The following CABIN1 variants were observed in gnomAD, a reference collection of about 807,000 sequenced individuals.
The protein encoded by CABIN1 is calcineurin binding protein 1.
In CABIN1, 133 loss-of-function variants were observed where a neutral mutation model predicts 227.7. The observed-to-expected ratio is 0.58, with a 90% confidence interval of 0.51 to 0.67. The LOEUF is 0.67. Ranked by LOEUF, CABIN1 falls within the 30% of genes least tolerant of loss-of-function variation. CABIN1 has a pLI of 0.00. For synonymous variants in CABIN1, 1,086 were observed against 1,155.1 expected (o/e 0.94, Z 1.21); for missense variants, 2,408 against 2,852.5 (o/e 0.84, Z 3.55).
chr22:24,137,052 T>C (rs2148258902), intron 29 of CABIN1, among the ~76,000 whole-genome samples: 1 of 152,326 alleles, frequency 6.6e-6, no homozygotes, highest in African/African-American at 2.4e-5. Context: ...TTACCTGGCT[T>C]GAAGAGTAAC....
At chr22:24,018,030 T>G (rs6004040) in intron 1 of CABIN1, among the ~76,000 whole-genome samples, 17,174 of 152,042 alleles carry the variant, frequency 0.11, 1,085 homozygotes, top group East Asian at 0.16. Context: ...AATTTTTAAA[T>G]TTTTTGTAGA....
chr22:24,127,495 G>A (rs1197340879), intron 28 of CABIN1, among the ~76,000 whole-genome samples: 2 of 152,220 alleles, frequency 1.3e-5, no homozygotes, highest in African/African-American at 4.8e-5. Context: ...TCTGATTCTA[G>A]ATGGATTCAG....
intron 6 of CABIN1, among the ~76,000 whole-genome samples, chr22:24,045,705 A>G (rs1335810115): frequency 1.3e-5 from 2 of 152,226 alleles, no homozygotes; most frequent in African/African-American, 4.8e-5. Context: ...TCATGCTGCT[A>G]TAATAAAATA....
chr22:24,079,068 G>T (rs1256338845), intron 19 of CABIN1, among the ~76,000 whole-genome samples: 5 of 152,002 alleles, frequency 3.3e-5, no homozygotes, highest in Non-Finnish European at 7.4e-5. Context: ...GGGTTCTATT[G>T]TGTGAGTATA....
chr22:24,064,745 C>A (rs1464882245), intron 15 of CABIN1, among the ~76,000 whole-genome samples: 2 of 152,112 alleles, frequency 1.3e-5, no homozygotes, highest in Non-Finnish European at 2.9e-5. Flanking sequence ...CTTCAAGCAT[C>A]TGTTTGACAA....
At position 24,056,160 on chromosome 22, in the gene CABIN1, G is replaced by T; in HGVS notation, c.1094-32G>T. ...GTGCATTTTTTTCATCCCTGCCACC[G>T]TGTAAGATTTTAATTTGCATTCTTT... On this transcript the variant is annotated intron_variant, in intron 9 of 36. Transcript: ENST00000263119. 4.4e-6 allele frequency: 7 copies of T among 1,603,160 alleles called. No homozygotes were observed. In the African/African-American group the frequency reaches 6.7e-5, roughly 15 times the overall value.
rs568377204 is a variant in CABIN1 at position 24,172,109 on chromosome 22, C to T, written c.6040+114C>T. ...GGCAAGCAGTGCCCTCCCGCCCAGT[C>T]GATCCCACAGGGTGGCGGGGCAGGT... On this transcript the variant is annotated intron_variant, in intron 34 of 36. Coordinates refer to ENST00000263119, the MANE Select transcript of CABIN1 (RefSeq NM_012295.4). The T allele has an allele frequency of 6.0e-5, 78 of 1,308,258 alleles. No individual in the cohort carries two copies. The East Asian group carries it at 1.3e-3, about 22-fold the overall frequency. 81.0% of individuals were successfully genotyped at this position (1,308,258 alleles called of 1,614,324 possible).
chr22:24,132,867 C>A (rs867999444), intron 28 of CABIN1, among the ~76,000 whole-genome samples: 17 of 152,318 alleles, frequency 1.1e-4, no homozygotes, highest in African/African-American at 2.9e-4. Flanking sequence ...GGATTACAGG[C>A]GTGAGCCACC....
chr22:24,017,852 C>T (rs2035420553), intron 1 of CABIN1, among the ~76,000 whole-genome samples: 3 of 151,276 alleles, frequency 2.0e-5, no homozygotes, highest in Non-Finnish European at 2.9e-5. Flanking sequence ...GTAAGTAATG[C>T]TGTGTCCCTC....
chr22:24,090,997 T>C (rs2041507335), intron 23 of CABIN1, among the ~76,000 whole-genome samples: 1 of 152,222 alleles, frequency 6.6e-6, no homozygotes, highest in Admixed American at 6.5e-5. Context: ...CCTAGCTAGC[T>C]GTTTCCTTCC....
At chr22:24,023,257 A>G (rs565530338) in intron 1 of CABIN1, among the ~76,000 whole-genome samples, 1 of 152,176 alleles carries the variant, frequency 6.6e-6, no homozygotes, top group East Asian at 1.9e-4. Context: ...ATACTATTTC[A>G]TTGTATTTGT....
At chr22:24,017,932 C>T (rs1326825080) in intron 1 of CABIN1, among the ~76,000 whole-genome samples, 1 of 152,086 alleles carries the variant, frequency 6.6e-6, no homozygotes, top group Non-Finnish European at 1.5e-5. Context: ...AATGCAATGG[C>T]GTGATCACAG....
At chr22:24,159,144 G>A (rs2046005705) in intron 29 of CABIN1, among the ~76,000 whole-genome samples, 1 of 152,198 alleles carries the variant, frequency 6.6e-6, no homozygotes, top group Non-Finnish European at 1.5e-5. Flanking sequence ...AGGAGGCCAG[G>A]CTCTGCTCAA....
At position 24,083,224 on chromosome 22, in the gene CABIN1, A is replaced by G. The variant is rs1458587705; in HGVS notation, c.2749-4A>G. The G allele has an allele frequency of 1.2e-6, 2 of 1,612,180 alleles. No individual in the cohort carries two copies. The highest frequency in any genetic ancestry group is 1.3e-5 in the African/African-American group (1 of 74,982). ...CCTCAGGCCATCTCTTCTGCCCACC[A>G]CAGGTGCGAGTACTCCAGAAGGAAC... On this transcript the variant is annotated splice_region_variant and splice_polypyrimidine_tract_variant and intron_variant, in intron 19 of 36. Coordinates refer to ENST00000263119, the MANE Select transcript of CABIN1 (RefSeq NM_012295.4).
chr22:24,038,453 C>A lies in CABIN1; in HGVS notation c.202C>A (p.Leu68Met). 1 of 1,612,480 alleles carries A rather than the reference C, an allele frequency of 6.2e-7. No individual in the cohort carries two copies. The highest frequency in any genetic ancestry group is 8.5e-7 in the Non-Finnish European group (1 of 1,179,046). ...CCATGAGCTCTTGGAGGCGAGCCTG[C>A]TGCGGGAGGTGAGGCATCAGCAGGC... is the stretch of plus-strand genomic sequence containing the variant. ...AYHELLEASL[L>M]REAVSSGDEK... The change falls in exon 4 of 37, where the codon CTG (leucine) becomes ATG (methionine). Residue 68 changes from leucine (L) to methionine (M), a missense_variant. By Grantham distance (15) the Leu-to-Met change is conservative (BLOSUM62 2). Coordinates refer to ENST00000263119, the MANE Select transcript of CABIN1 (RefSeq NM_012295.4).
At position 24,171,770 on chromosome 22, in the gene CABIN1, T is replaced by C. The variant is rs766978756; in HGVS notation, c.5815T>C (p.Phe1939Leu). ...KHPKDSRENF[F>L]PVTVVPTAPD... ...CCCCAAAGACAGCCGAGAGAACTTC[T>C]TTCCTGTGACAGTGGTGCCCACAGC... Residue 1939 changes from phenylalanine (F) to leucine (L), a missense_variant, in exon 34 of 37, where the codon TTT becomes CTT. Transcript: ENST00000263119. 6.2e-6 allele frequency: 10 copies of C among 1,614,174 alleles called. No homozygotes were observed. In the South Asian group the frequency reaches 1.1e-4, roughly 18 times the overall value.
chr22:24,046,119 C>A (rs1252820587), intron 6 of CABIN1, among the ~76,000 whole-genome samples: 2 of 152,058 alleles, frequency 1.3e-5, no homozygotes, highest in Admixed American at 1.3e-4. Flanking sequence ...TAGGTAGAGT[C>A]AGGAAGCGTG....
intron 1 of CABIN1, among the ~76,000 whole-genome samples, chr22:24,012,241 G>C (rs2034871587): frequency 6.6e-6 from 1 of 152,150 alleles, no homozygotes; most frequent in African/African-American, 2.4e-5. Context: ...TAACAGACTA[G>C]CTGCGTCGCA....
At chr22:24,015,561 G>T (rs979551586) in intron 1 of CABIN1, among the ~76,000 whole-genome samples, 1 of 151,544 alleles carries the variant, frequency 6.6e-6, no homozygotes, top group African/African-American at 2.4e-5. Flanking sequence ...AGCCAGGATG[G>T]TCTCGATCTT....
Sources: gnomAD v4.1 joint callset for allele counts (sites outside exome capture counted in the v4.1 genomes callset) on GRCh38, gnomAD v4.1.1 for gene constraint, MANE v1.5 for transcripts, NCBI Gene and HGNC (gene_info 2026-07-23, HGNC 2026-07-21) for gene names.